MTA3: variants seen among roughly 807,000 people sequenced by gnomAD.
MTA3 encodes metastasis-associated protein MTA3.
Under a neutral mutation model 83.5 loss-of-function variants are expected in MTA3, and 34 were observed. The ratio of observed to expected loss-of-function variants is 0.41; its 90% CI spans 0.31 to 0.54. The LOEUF is 0.54. MTA3 is among the 20% of genes least tolerant of loss of function. The probability of loss-of-function intolerance (pLI) is 0.33; values close to 1 mark genes in which losing one functional copy is unlikely to be tolerated. For missense variants in MTA3, 761 were observed against 726.4 expected (o/e 1.05, Z -0.55); for synonymous variants, 303 against 252.7 (o/e 1.20, Z -1.89).
intron 16 of MTA3, among the ~76,000 whole-genome samples, chr2:42,736,289 A>G (rs1668609623): frequency 6.6e-6 from 1 of 152,172 alleles, no homozygotes; most frequent in South Asian, 2.1e-4. Context: ...ACAAATGGAC[A>G]CTATGTCTCT....
intron 4 of MTA3, among the ~76,000 whole-genome samples, chr2:42,619,732 C>T (rs1685320571): frequency 6.6e-6 from 1 of 152,100 alleles, no homozygotes; most frequent in African/African-American, 2.4e-5. Context: ...TTTCTTTATG[C>T]CCAGATGTCC....
intron 2 of MTA3, among the ~76,000 whole-genome samples, chr2:42,570,794 T>C (rs1432905986): frequency 6.6e-6 from 1 of 151,948 alleles, no homozygotes; most frequent in Non-Finnish European, 1.5e-5. Context: ...GCGGATCACC[T>C]GAGGTCGGGA....
chr2:42,525,368 TTTTTG>T (rs1675641856), intron 2 of MTA3, among the ~76,000 whole-genome samples: 1 of 151,870 alleles, frequency 6.6e-6, no homozygotes, highest in Non-Finnish European at 1.5e-5. Context: ...CCTGGCTGAT[TTTTTG>T]TATTTTAGTA....
chr2:42,573,879 C>A (rs1017721671), intron 2 of MTA3, among the ~76,000 whole-genome samples: 1 of 151,736 alleles, frequency 6.6e-6, no homozygotes, highest in Non-Finnish European at 1.5e-5. Flanking sequence ...AGTGCAGTGG[C>A]GCAATCTCAG....
intron 14 of MTA3, chr2:42,712,687 TC>T (rs1666723946): frequency 6.6e-6 from 1 of 152,166 alleles, no homozygotes; most frequent in East Asian, 1.9e-4. Context: ...CGTACTGTTT[TC>T]TTAAGATTTG....
chr2:42,651,455 A>T (rs1363784931), intron 6 of MTA3, among the ~76,000 whole-genome samples: 1 of 152,152 alleles, frequency 6.6e-6, no homozygotes, highest in Admixed American at 6.5e-5. Context: ...GAGCCAGATG[A>T]TGGAAGTTTT....
chr2:42,752,208 G>A (rs1314346171), intron 16 of MTA3: 1 of 471,340 alleles, frequency 2.1e-6, no homozygotes, highest in Admixed American at 2.3e-5. Flanking sequence ...ATACCAAGCT[G>A]GGTACAGGTA....
At chr2:42,658,036 C>T (rs1447145215) in intron 7 of MTA3, among the ~76,000 whole-genome samples, 1 of 122,216 alleles carries the variant, frequency 8.2e-6, no homozygotes, top group Non-Finnish European at 1.6e-5. Context: ...CGCACCATTG[C>T]ACTCCAGCCT....
intron 4 of MTA3, among the ~76,000 whole-genome samples, chr2:42,631,393 C>T (rs901060998): frequency 3.9e-5 from 6 of 152,110 alleles, no homozygotes; most frequent in African/African-American, 1.4e-4. Context: ...ACTGCTTAAC[C>T]CCTTTAAGGG....
At chr2:42,638,474 G>A (rs1270248977) in intron 4 of MTA3, among the ~76,000 whole-genome samples, 1 of 151,720 alleles carries the variant, frequency 6.6e-6, no homozygotes, top group African/African-American at 2.4e-5. Flanking sequence ...GTGCACCCTA[G>A]ACCTCCTGGG....
At chr2:42,677,505 G>A (rs1573584760) in intron 8 of MTA3, among the ~76,000 whole-genome samples, 1 of 152,014 alleles carries the variant, frequency 6.6e-6, no homozygotes, top group East Asian at 1.9e-4. Context: ...ACCATGCCTG[G>A]CTGATTTTTT....
At chr2:42,739,077 G>A (rs995151965) in intron 16 of MTA3, among the ~76,000 whole-genome samples, 1 of 152,090 alleles carries the variant, frequency 6.6e-6, no homozygotes, top group African/African-American at 2.4e-5. Context: ...AGTACTTGAT[G>A]TCTGTCACCC....
At chr2:42,615,714 T>C (rs568800736) in intron 4 of MTA3, among the ~76,000 whole-genome samples, 1 of 107,058 alleles carries the variant, frequency 9.3e-6, no homozygotes, top group Admixed American at 9.6e-5. Context: ...ATCTCTTCTT[T>C]TTTTTTTTTT....
chr2:42,598,359 C>G (rs1682110180), intron 3 of MTA3, among the ~76,000 whole-genome samples: 1 of 152,250 alleles, frequency 6.6e-6, no homozygotes, highest in African/African-American at 2.4e-5. Flanking sequence ...GCCACCGCGC[C>G]TGGCCTTCAC....
intron 3 of MTA3, among the ~76,000 whole-genome samples, chr2:42,597,346 T>A (rs1681925226): frequency 6.7e-6 from 1 of 150,206 alleles, no homozygotes; most frequent in South Asian, 2.1e-4. Flanking sequence ...ATTACAGGAG[T>A]GAGCCACTGC....
At chr2:42,636,293 C>A (rs1687187389) in intron 4 of MTA3, among the ~76,000 whole-genome samples, 1 of 151,992 alleles carries the variant, frequency 6.6e-6, no homozygotes, top group Non-Finnish European at 1.5e-5. Flanking sequence ...ATAATCCCAG[C>A]CTTTGGGAGG....
chr2:42,733,401 C>A (rs915179120), intron 16 of MTA3, among the ~76,000 whole-genome samples: 1 of 152,180 alleles, frequency 6.6e-6, no homozygotes, highest in South Asian at 2.1e-4. Context: ...CAATTACCTC[C>A]CTCTGGGTCC....
chr2:42,614,620 A>G (rs1684629054), intron 4 of MTA3, among the ~76,000 whole-genome samples: 1 of 151,992 alleles, frequency 6.6e-6, no homozygotes, highest in Admixed American at 6.6e-5. Flanking sequence ...TACTCATTAT[A>G]TTAATATATA....
At chr2:42,538,758 G>GGTT (rs1553339438) in intron 2 of MTA3, among the ~76,000 whole-genome samples, 9 of 129,114 alleles carry the variant, frequency 7.0e-5, no homozygotes, top group South Asian at 2.5e-4. Flanking sequence ...AGAAAAAAAT[G>GGTT]TTTTTTTTGT....
Sources: gnomAD v4.1 joint callset for allele counts (sites outside exome capture counted in the v4.1 genomes callset) on GRCh38, gnomAD v4.1.1 for gene constraint, MANE v1.5 for transcripts, NCBI Gene and HGNC (gene_info 2026-07-23, HGNC 2026-07-21) for gene names.